FRMD4A: variants seen among roughly 807,000 people sequenced by gnomAD.
The protein encoded by FRMD4A is FERM domain containing 4A.
FRMD4A carries 29 observed loss-of-function variants against 129.1 expected under a neutral mutation model. The ratio of observed to expected loss-of-function variants is 0.22; its 90% CI spans 0.17 to 0.31. The LOEUF is 0.31. Among genes scored for constraint, FRMD4A ranks in the 10% least tolerant of loss-of-function variants. FRMD4A has a pLI of 1.00. For missense variants in FRMD4A, 1,272 were observed against 1,375.8 expected (o/e 0.92, Z 1.19); for synonymous variants, 634 against 571.6 (o/e 1.11, Z -1.56).
intron 2 of FRMD4A, among the ~76,000 whole-genome samples, chr10:14,025,858 G>T (rs558098834): frequency 6.6e-6 from 1 of 152,180 alleles, no homozygotes; most frequent in Admixed American, 6.5e-5. Flanking sequence ...AGCCTGTGTC[G>T]GACTTTCTTC....
At chr10:14,231,647 C>T (rs1278685206) in intron 2 of FRMD4A, among the ~76,000 whole-genome samples, 2 of 152,290 alleles carry the variant, frequency 1.3e-5, no homozygotes, top group East Asian at 1.9e-4. Flanking sequence ...TGCCCGGCCT[C>T]TCATTGTGGT....
intron 2 of FRMD4A, among the ~76,000 whole-genome samples, chr10:14,325,548 C>A (rs1843239778): frequency 6.6e-6 from 1 of 152,176 alleles, no homozygotes; most frequent in Admixed American, 6.5e-5. Context: ...CCAGCGCCCC[C>A]TAGGGCTCAC....
At chr10:13,771,924 A>C (rs1049780909) in intron 6 of FRMD4A, among the ~76,000 whole-genome samples, 4 of 151,728 alleles carry the variant, frequency 2.6e-5, no homozygotes, top group South Asian at 2.1e-4. Flanking sequence ...ACTTTGAAAC[A>C]AAACCAAACA....
At chr10:14,216,275 C>A (rs1843073092) in intron 2 of FRMD4A, among the ~76,000 whole-genome samples, 1 of 152,164 alleles carries the variant, frequency 6.6e-6, no homozygotes, top group Non-Finnish European at 1.5e-5. Flanking sequence ...TTTCTAAGCA[C>A]CCCGACATTT....
At chr10:13,817,050 C>G (rs1308211536) in intron 3 of FRMD4A, among the ~76,000 whole-genome samples, 1 of 152,200 alleles carries the variant, frequency 6.6e-6, no homozygotes, top group Non-Finnish European at 1.5e-5. Flanking sequence ...TCCCTCTTAG[C>G]TTTTATTTCT....
chr10:14,181,737 C>A (rs140372241), intron 2 of FRMD4A, among the ~76,000 whole-genome samples: 6,591 of 152,230 alleles, frequency 0.043, 233 homozygotes, highest in Non-Finnish European at 0.067. Context: ...GTTGTCCAGG[C>A]TGGAGTGCAG....
At chr10:14,055,163 C>T (rs1834448486) in intron 2 of FRMD4A, among the ~76,000 whole-genome samples, 1 of 151,928 alleles carries the variant, frequency 6.6e-6, no homozygotes, top group Non-Finnish European at 1.5e-5. Context: ...TACTCTGGAC[C>T]TCTGTCCCCA....
At chr10:13,679,460 A>AAAT (rs1554838349) in intron 15 of FRMD4A, among the ~76,000 whole-genome samples, 1 of 27,518 alleles carries the variant, frequency 3.6e-5, no homozygotes, top group African/African-American at 1.9e-4. Context: ...AAAAAAAAAA[A>AAAT]ATATATATAT....
At chr10:13,733,042 A>G (rs1227529616) in intron 12 of FRMD4A, among the ~76,000 whole-genome samples, 1 of 152,218 alleles carries the variant, frequency 6.6e-6, no homozygotes, top group Non-Finnish European at 1.5e-5. Flanking sequence ...TTCCTGATGT[A>G]CAGCGGAGGT....
intron 2 of FRMD4A, among the ~76,000 whole-genome samples, chr10:14,300,840 C>T (rs1846159794): frequency 6.6e-6 from 1 of 152,128 alleles, no homozygotes; most frequent in Non-Finnish European, 1.5e-5. Context: ...AAAGAGAGAT[C>T]TCACCTTTTC....
intron 2 of FRMD4A, among the ~76,000 whole-genome samples, chr10:14,013,721 C>T (rs931192510): frequency 7.2e-5 from 11 of 152,040 alleles, no homozygotes; most frequent in African/African-American, 1.9e-4. Context: ...CCCCTGAGGT[C>T]GGGAGTTCAA....
chr10:14,128,769 A>G (rs1049804419), intron 2 of FRMD4A, among the ~76,000 whole-genome samples: 2 of 152,108 alleles, frequency 1.3e-5, no homozygotes, highest in African/African-American at 2.4e-5. Flanking sequence ...TACCACCACC[A>G]TTATCATCAT....
chr10:14,328,482 T>G (rs1465097875), intron 2 of FRMD4A, among the ~76,000 whole-genome samples: 1 of 151,950 alleles, frequency 6.6e-6, no homozygotes, highest in African/African-American at 2.4e-5. Flanking sequence ...CTTCTAAGTA[T>G]AGAAGAAAGG....
intron 18 of FRMD4A, among the ~76,000 whole-genome samples, chr10:13,664,852 G>GCT (rs1298468210): frequency 6.6e-6 from 1 of 151,916 alleles, no homozygotes; most frequent in Non-Finnish European, 1.5e-5. Flanking sequence ...TGGGACTATA[G>GCT]GTGCATGCCA....
chr10:13,711,125 A>C (rs182022333), intron 12 of FRMD4A, among the ~76,000 whole-genome samples: 1 of 152,280 alleles, frequency 6.6e-6, no homozygotes, highest in African/African-American at 2.4e-5. Flanking sequence ...TGAGCTAGGG[A>C]GCAGGAATAT....
At position 14,209,420 on chromosome 10, in the gene FRMD4A, A is replaced by T. The variant is rs1255806410; in HGVS notation, c.45+120638T>A. On this transcript the variant is annotated intron_variant, in intron 2 of 24. Coordinates refer to ENST00000357447, the MANE Select transcript of FRMD4A (RefSeq NM_018027.5). ...CCTCAAGATGTGATCATCTTGGATT[A>T]GGGTGGGCCATAAATCCAATGACAA... 2.0e-5 allele frequency among the ~76,000 whole-genome samples: 3 copies of T among 152,272 alleles called. No individual in the cohort carries two copies. In the East Asian group the frequency reaches 5.8e-4, roughly 29 times the overall value.
intron 2 of FRMD4A, among the ~76,000 whole-genome samples, chr10:14,318,485 G>A (rs978541982): frequency 2.6e-5 from 4 of 152,026 alleles, no homozygotes; most frequent in Non-Finnish European, 2.9e-5. Flanking sequence ...AGAGCAGGCT[G>A]ACCAGGATTT....
In FRMD4A at chr10:14,108,254, A is replaced by G. The variant is rs536623258; in HGVS notation, c.45+221804T>C. ...TATTTTCAGATAAGTGCATTTTAAA[A>G]CAACTCATAAGCTATGCATCATCAC... On this transcript the variant is annotated intron_variant, in intron 2 of 24. Coordinates refer to ENST00000357447, the MANE Select transcript of FRMD4A (RefSeq NM_018027.5). Among the ~76,000 whole-genome samples the G allele has an allele frequency of 3.3e-5, 5 of 152,292 alleles. No homozygotes were observed. The East Asian group carries it at 9.6e-4, about 29-fold the overall frequency.
At chr10:14,120,763 A>G (rs534875902) in intron 2 of FRMD4A, among the ~76,000 whole-genome samples, 2 of 152,272 alleles carry the variant, frequency 1.3e-5, no homozygotes, top group African/African-American at 4.8e-5. Context: ...ATAAACATCT[A>G]TGACATGCAG....
Sources: allele counts gnomAD v4.1 joint callset (sites outside exome capture counted in the v4.1 genomes callset), GRCh38; gene constraint gnomAD v4.1.1; transcripts MANE v1.5; gene names NCBI Gene and HGNC (gene_info 2026-07-23, HGNC 2026-07-21).